Variants in PRIM2 observed in about 807,000 individuals in gnomAD.
PRIM2 encodes DNA primase large subunit.
A neutral mutation model predicts 67.3 loss-of-function variants in PRIM2; 39 were observed. The observed-to-expected ratio is 0.58, with a 90% CI of 0.45 to 0.76. The LOEUF is 0.76. Ranked by LOEUF, PRIM2 falls within the 30% of genes least tolerant of loss-of-function variation. PRIM2 has a pLI of 0.00. For synonymous variants in PRIM2, 143 were observed against 198.7 expected (o/e 0.72, Z 2.36); for missense variants, 398 against 598.7 (o/e 0.66, Z 3.50).
At chr6:57,618,764 C>G (rs1186110041) in intron 12 of PRIM2, among the ~76,000 whole-genome samples, 1 of 152,180 alleles carries the variant, frequency 6.6e-6, no homozygotes, top group Non-Finnish European at 1.5e-5. Context: ...ACAGCAGCCA[C>G]AGCAAGACCC....
intron 7 of PRIM2, among the ~76,000 whole-genome samples, chr6:57,402,037 G>A (rs1435914866): frequency 6.6e-6 from 1 of 152,122 alleles, no homozygotes; most frequent in Non-Finnish European, 1.5e-5. Flanking sequence ...TCTGGCAGGG[G>A]GTGGCTGGAG....
chr6:57,258,586 A>ACC, the PRIM2 span, among the ~76,000 whole-genome samples: 1 of 57,352 alleles, frequency 1.7e-5, no homozygotes. Flanking sequence ...CCCCACCCCA[A>ACC]CCCACCCACC....
At chr6:57,339,827 A>G (rs1368312982) in intron 5 of PRIM2, among the ~76,000 whole-genome samples, 2 of 152,208 alleles carry the variant, frequency 1.3e-5, no homozygotes, top group Non-Finnish European at 2.9e-5. Context: ...CACCAAAAGC[A>G]ATGGCAACAA....
intron 7 of PRIM2, among the ~76,000 whole-genome samples, chr6:57,461,392 A>C (rs1255350644): frequency 9.2e-5 from 14 of 152,216 alleles, no homozygotes; most frequent in Admixed American, 9.2e-4. Context: ...CACTGCAATT[A>C]GTACTAAATC....
Position 57,506,234 on chromosome 6 carries a change from G to A in PRIM2, c.694-1153G>A, listed in dbSNP as rs1297511182. Among the ~76,000 whole-genome samples, 8 of 151,726 alleles carry A rather than the reference G, an allele frequency of 5.3e-5. No individual in the cohort carries two copies. The East Asian group carries it at 5.8e-4, about 11-fold the overall frequency. On this transcript the variant is annotated intron_variant, in intron 7 of 13. Transcript: ENST00000615550. ...ATTGTATTTTAAATTAGTAACTGTCGACGTGTTGACTCTTGTACAAAATTG... is the reference window on the plus strand; with the variant it reads ...ATTGTATTTTAAATTAGTAACTGTCAACGTGTTGACTCTTGTACAAAATTG...
the PRIM2 span, among the ~76,000 whole-genome samples, chr6:57,295,046 A>G: frequency 0.61 from 92,484 of 152,080 alleles, 29,496 homozygotes; most frequent in East Asian, 0.81. Flanking sequence ...TGACTTCAGC[A>G]TCCCAAAATG....
upstream of PRIM2, among the ~76,000 whole-genome samples, chr6:57,314,276 A>G (rs568006294): frequency 1.4e-4 from 21 of 152,330 alleles, no homozygotes; most frequent in African/African-American, 4.3e-4. Context: ...GCACTTAGGG[A>G]GGCCGAGGCA....
intron 7 of PRIM2, among the ~76,000 whole-genome samples, chr6:57,476,407 A>G (rs1773478876): frequency 6.6e-6 from 1 of 152,214 alleles, no homozygotes; most frequent in African/African-American, 2.4e-5. Flanking sequence ...GACCCTGATA[A>G]GCTTTACATA....
At chr6:57,308,256 G>A in the PRIM2 span, among the ~76,000 whole-genome samples, 2 of 152,008 alleles carry the variant, frequency 1.3e-5, no homozygotes, top group African/African-American at 4.8e-5. Flanking sequence ...CAGAGTAGCT[G>A]GGACTACAGG....
At chr6:57,590,241 G>A (rs1776262130) in intron 10 of PRIM2, among the ~76,000 whole-genome samples, 1 of 152,198 alleles carries the variant, frequency 6.6e-6, no homozygotes. Flanking sequence ...AAGTCTTGGT[G>A]TGTGCTTAGA....
At chr6:57,570,970 G>T (rs1487685800) in intron 10 of PRIM2, among the ~76,000 whole-genome samples, 4 of 152,054 alleles carry the variant, frequency 2.6e-5, no homozygotes, top group African/African-American at 4.8e-5. Context: ...ATGCACAGGG[G>T]CAATTTACAC....
At chr6:57,595,526 A>G (rs1776350151) in intron 10 of PRIM2, among the ~76,000 whole-genome samples, 1 of 152,078 alleles carries the variant, frequency 6.6e-6, no homozygotes, top group African/African-American at 2.4e-5. Context: ...TCATATACCA[A>G]TTGCAAGCAG....
At chr6:57,318,345 G>A (rs1486497656) in intron 1 of PRIM2, 92 bp from the exon 2 acceptor site, 24 of 1,278,818 alleles carry the variant, frequency 1.9e-5, no homozygotes, top group African/African-American at 7.6e-5. Flanking sequence ...TTTTTTTTCT[G>A]TGTTTGTGGA....
At chr6:57,396,683 A>G (rs994410073) in intron 7 of PRIM2, among the ~76,000 whole-genome samples, 4 of 152,118 alleles carry the variant, frequency 2.6e-5, no homozygotes, top group Non-Finnish European at 5.9e-5. Flanking sequence ...GTACCGTTCC[A>G]TTCATTGTGC....
intron 7 of PRIM2, among the ~76,000 whole-genome samples, chr6:57,448,232 C>A (rs1772427173): frequency 6.6e-6 from 1 of 152,044 alleles, no homozygotes; most frequent in Non-Finnish European, 1.5e-5. Context: ...TAAAATGCAA[C>A]CATTTTTATA....
At chr6:57,424,167 G>A (rs1771549953) in intron 7 of PRIM2, among the ~76,000 whole-genome samples, 2 of 152,166 alleles carry the variant, frequency 1.3e-5, no homozygotes, top group Non-Finnish European at 2.9e-5. Flanking sequence ...CTCCGAGAAA[G>A]TAGAGATTCT....
At chr6:57,568,141 A>G (rs1474202432) in intron 10 of PRIM2, among the ~76,000 whole-genome samples, 3 of 152,210 alleles carry the variant, frequency 2.0e-5, no homozygotes, top group Non-Finnish European at 4.4e-5. Context: ...TATAGTCCAT[A>G]TTATTTAAAA....
chr6:57,260,112 A>C, the PRIM2 span, among the ~76,000 whole-genome samples: 23 of 152,126 alleles, frequency 1.5e-4, no homozygotes, highest in Non-Finnish European at 3.1e-4. Flanking sequence ...CATGAGAGGG[A>C]CTCCAAAGCC....
At chr6:57,454,855 C>T (rs1772703815) in intron 7 of PRIM2, among the ~76,000 whole-genome samples, 1 of 152,240 alleles carries the variant, frequency 6.6e-6, no homozygotes, top group East Asian at 1.9e-4. Flanking sequence ...TCTTGCTTCT[C>T]TAGTTCTTTT....
Sources: allele counts gnomAD v4.1 joint callset (sites outside exome capture counted in the v4.1 genomes callset), GRCh38; gene constraint gnomAD v4.1.1; transcripts MANE v1.5; gene names NCBI Gene and HGNC (gene_info 2026-07-23, HGNC 2026-07-21).